The following KIDINS220 variants were observed in gnomAD, a reference collection of about 807,000 sequenced individuals.
KIDINS220 encodes kinase D-interacting substrate of 220 kDa.
A neutral mutation model predicts 157.6 loss-of-function variants in KIDINS220; 63 were observed. That is an observed-to-expected ratio of 0.40 (90% CI 0.33 to 0.49). KIDINS220 has a LOEUF of 0.49. KIDINS220 is among the 20% of genes least tolerant of loss of function. The pLI is 0.66. For synonymous variants in KIDINS220, 732 were observed against 783.6 expected, an observed-to-expected ratio of 0.93 and a Z score of 1.10; for missense variants, 1,772 against 2,171.2, an observed-to-expected ratio of 0.82 and a Z score of 3.65.
intron 2 of KIDINS220, among the ~76,000 whole-genome samples, chr2:8,820,171 G>A (rs938170613): frequency 8.6e-5 from 13 of 152,002 alleles, no homozygotes; most frequent in African/African-American, 2.7e-4. Context: ...TGCCACCCCC[G>A]GCCTCAACGT....
At chr2:8,722,919 C>T (rs1663041758), downstream of KIDINS220, 1 of 152,232 alleles carries the variant, frequency 6.6e-6, no homozygotes, top group Admixed American at 6.5e-5. Flanking sequence ...AAAGAACTGG[C>T]TTACTGAAAA....
At chr2:8,782,753 G>A (rs1273643057) in intron 17 of KIDINS220, among the ~76,000 whole-genome samples, 1 of 152,164 alleles carries the variant, frequency 6.6e-6, no homozygotes, top group East Asian at 1.9e-4. Context: ...AATATCTCAT[G>A]AGCATAGATG....
At chr2:8,792,326 G>A (rs190951759) in intron 12 of KIDINS220, among the ~76,000 whole-genome samples, 110 of 152,248 alleles carry the variant, frequency 7.2e-4, no homozygotes, top group African/African-American at 2.4e-3. Flanking sequence ...AGAGTATGCC[G>A]GGGGAGAGGA....
intron 22 of KIDINS220, among the ~76,000 whole-genome samples, chr2:8,758,716 G>C (rs1270555038): frequency 2.0e-5 from 3 of 151,838 alleles, no homozygotes; most frequent in Non-Finnish European, 1.5e-5. Flanking sequence ...ATTTCCCTCT[G>C]AGTACTGCCT....
chr2:8,749,500 C>T, intron 24 of KIDINS220: 1 of 423,308 alleles, frequency 2.4e-6, no homozygotes, highest in Middle Eastern at 3.4e-4. Context: ...GGCCTGAATA[C>T]CACTGATAAT....
intron 22 of KIDINS220, among the ~76,000 whole-genome samples, chr2:8,759,534 T>C (rs888649031): frequency 1.3e-5 from 2 of 149,668 alleles, no homozygotes; most frequent in African/African-American, 4.9e-5. Flanking sequence ...TGTCATCATA[T>C]ACAAAAACTC....
In KIDINS220 at chr2:8,730,654, G is replaced by T; in HGVS notation, c.*66C>A. On this transcript the variant is annotated 3_prime_UTR_variant, in exon 30 of 30. Transcript: ENST00000256707. The stretch of plus-strand genomic sequence containing the variant: ...TGTAGAAAGGTGATGGGCGTGGATG[G>T]AGTCAAAATCCAGGACAATTCTGTC... 1.3e-6 allele frequency: 2 copies of T among 1,536,912 alleles called. No homozygotes were observed. Among genetic ancestry groups the T allele is most frequent in the South Asian group, 2.6e-5 (2 of 77,484 alleles).
chr2:8,801,881 T>C (rs887557770), intron 8 of KIDINS220, among the ~76,000 whole-genome samples: 8 of 152,206 alleles, frequency 5.3e-5, no homozygotes, highest in Non-Finnish European at 1.0e-4. Context: ...CACTCCAGCC[T>C]GGGTAACAGA....
intron 20 of KIDINS220, 33 bp downstream of exon 20, chr2:8,778,606 C>T (rs1450924039): frequency 3.6e-6 from 5 of 1,379,312 alleles, no homozygotes; most frequent in Non-Finnish European, 5.2e-6. Flanking sequence ...AATAGCAATA[C>T]AAACATACAG....
chr2:8,800,987 G>A (rs746054492), intron 8 of KIDINS220, among the ~76,000 whole-genome samples: 51 of 152,096 alleles, frequency 3.4e-4, no homozygotes, highest in African/African-American at 7.0e-4. Flanking sequence ...AAAGTTCCCC[G>A]AGCAGCATCC....
Position 8,734,750 on chromosome 2 carries a change from T to G in KIDINS220, c.3721A>C (p.Asn1241His), listed in dbSNP as rs753698931. 4 of 1,607,424 alleles carry G rather than the reference T, an allele frequency of 2.5e-6. No individual in the cohort carries two copies. The highest frequency in any genetic ancestry group is 3.4e-6 in the Non-Finnish European group (4 of 1,176,788). The change falls in exon 28 of 30, where the codon AAC becomes CAC. Residue 1241 changes from asparagine (N) to histidine (H), a missense_variant. This residue lies in a region of KIDINS220 where 793 missense variants were observed against 885.5 expected (regional missense o/e 0.90). Transcript: ENST00000256707. ...PQYCTTIKKANINGRVLAQCN... is the reference protein window; with the variant it reads ...PQYCTTIKKAHINGRVLAQCN... ...TGAGCTAACACACGGCCATTTATGT[T>G]TGCCTGAGTAAAAATTAAAACAATT...
intron 26 of KIDINS220, 192 bp downstream of exon 26, chr2:8,746,953 G>A (rs770771966): frequency 1.0e-4 from 54 of 529,386 alleles, no homozygotes; most frequent in Non-Finnish European, 1.7e-4. Context: ...AGGAAATAAT[G>A]GGTGAAGTTA....
At chr2:8,732,796 G>A (rs1199059316) in intron 29 of KIDINS220, among the ~76,000 whole-genome samples, 1 of 151,986 alleles carries the variant, frequency 6.6e-6, no homozygotes, top group African/African-American at 2.4e-5. Context: ...AGTGTTACTC[G>A]CTGCCGCCCG....
chr2:8,787,995 G>A (rs1672655824), intron 15 of KIDINS220, among the ~76,000 whole-genome samples: 1 of 152,138 alleles, frequency 6.6e-6, no homozygotes. Flanking sequence ...CCAGTGGCTG[G>A]ACCCCTCCTC....
chr2:8,753,350 A>G (rs1398922754), intron 22 of KIDINS220, among the ~76,000 whole-genome samples: 3 of 152,256 alleles, frequency 2.0e-5, no homozygotes, highest in African/African-American at 7.2e-5. Context: ...AAACCAATCT[A>G]AAGTATCAAT....
intron 29 of KIDINS220, 132 bp downstream of exon 29, chr2:8,733,312 C>CTGT: frequency 1.3e-6 from 1 of 780,520 alleles, no homozygotes; most frequent in East Asian, 2.6e-5. Flanking sequence ...GGGAGCCCTC[C>CTGT]ATCTTGTCTC....
At chr2:8,809,008 GGTTT>G (rs933288428) in intron 6 of KIDINS220, among the ~76,000 whole-genome samples, 1 of 99,786 alleles carries the variant, frequency 1.0e-5, no homozygotes, top group African/African-American at 3.9e-5. Context: ...ATCTTTTTTT[GGTTT>G]GTTTGTTTGT....
At chr2:8,821,602 C>T (rs1280386891) in intron 2 of KIDINS220, among the ~76,000 whole-genome samples, 2 of 152,226 alleles carry the variant, frequency 1.3e-5, no homozygotes, top group Admixed American at 1.3e-4. Flanking sequence ...TGAAATGGCT[C>T]ATCTAGCTTG....
Position 8,736,962 on chromosome 2 carries a change from T to A in KIDINS220, c.3623A>T (p.Asn1208Ile). 1 of 1,614,168 alleles carries A rather than the reference T, an allele frequency of 6.2e-7. No individual in the cohort carries two copies. Residue 1208 changes from asparagine to isoleucine, a missense_variant, in exon 27 of 30, where the codon AAT (asparagine) becomes ATT (isoleucine). Physicochemically the swap from Asn to Ile is moderately radical, Grantham distance 149 (BLOSUM62 -3). Coordinates refer to ENST00000256707, the MANE Select transcript of KIDINS220 (RefSeq NM_020738.4). The stretch of plus-strand genomic sequence containing the variant: ...ACATACTGCATCCACATTCAGTGAA[T>A]TCAGTAATACCACTGGGCCTGGGGC... ...GPAPGPVVLL[N>I]SLNVDAVCEK...
Sources: allele counts gnomAD v4.1 joint callset (sites outside exome capture counted in the v4.1 genomes callset), GRCh38; gene constraint gnomAD v4.1.1; regional missense constraint gnomAD v4.1.1; transcripts MANE v1.5; gene names NCBI Gene and HGNC (gene_info 2026-07-23, HGNC 2026-07-21).